Variants in MCTP1 observed in about 807,000 individuals in gnomAD.
The protein encoded by MCTP1 is multiple C2 and transmembrane domain-containing protein 1.
In MCTP1, 69 loss-of-function variants were observed where a neutral mutation model predicts 120.6. The observed-to-expected ratio is 0.57, with a 90% CI of 0.47 to 0.70. The LOEUF (loss-of-function observed/expected upper bound fraction) is 0.70, where lower values mean the gene tolerates loss of function less well. Among genes scored for constraint, MCTP1 ranks in the 30% least tolerant of loss-of-function variants. MCTP1 has a pLI of 0.00. For missense variants in MCTP1, 1,203 were observed against 1,248.8 expected, an observed-to-expected ratio of 0.96 and a Z score of 0.55; for synonymous variants, 529 against 493.1, an observed-to-expected ratio of 1.07 and a Z score of -0.96.
intron 1 of MCTP1, among the ~76,000 whole-genome samples, chr5:95,046,527 CA>C (rs1252630907): frequency 2.6e-5 from 4 of 152,144 alleles, no homozygotes; most frequent in African/African-American, 9.7e-5. Context: ...GTAAAACATT[CA>C]AGGACTAAAA....
At chr5:94,931,372 C>T (rs1407437876) in intron 6 of MCTP1, 1 of 152,058 alleles carries the variant, frequency 6.6e-6, no homozygotes, top group African/African-American at 2.4e-5. Context: ...GTGGCAGCAT[C>T]ACTGAACAAA....
intron 17 of MCTP1, among the ~76,000 whole-genome samples, chr5:94,845,880 C>T (rs769035483): frequency 3.3e-5 from 5 of 152,044 alleles, no homozygotes; most frequent in Non-Finnish European, 7.4e-5. Context: ...AAGCATGTGG[C>T]CAAGAAGCAT....
chr5:94,907,234 T>A (rs765963922), intron 10 of MCTP1, among the ~76,000 whole-genome samples: 3 of 152,204 alleles, frequency 2.0e-5, no homozygotes, highest in Non-Finnish European at 1.5e-5. Flanking sequence ...TCAAAAAGAT[T>A]TGAAATGATG....
chr5:94,868,364 T>A lies in MCTP1; in HGVS notation c.2405A>T (p.Asp802Val), dbSNP rs760386926. 4.2e-5 allele frequency: 67 copies of A among 1,606,916 alleles called. No homozygotes were observed. The Middle Eastern group carries it at 1.2e-3, about 28-fold the overall frequency. The change falls in exon 17 of 23, where the codon GAT becomes GTT. Residue 802 changes from aspartate (D) to valine (V), a missense_variant. Asp to Val is a radical substitution (Grantham distance 152). This residue lies in a region of MCTP1 where 740 missense variants were observed against 871.1 expected (regional missense o/e 0.85). Transcript: ENST00000515393. ...AYYVNSCFDW[D>V]SPPRSLAAFV... Reference sequence around the variant, plus strand: ...AGCAGCGAGACTCCTTGGGGGTGAATCCCAATCAAAGCAACTATTAACGTA... The same window carrying A: ...AGCAGCGAGACTCCTTGGGGGTGAAACCCAATCAAAGCAACTATTAACGTA...
intron 2 of MCTP1, among the ~76,000 whole-genome samples, chr5:94,978,111 A>G (rs1367948846): frequency 6.6e-6 from 1 of 152,132 alleles, no homozygotes; most frequent in Non-Finnish European, 1.5e-5. Flanking sequence ...GCCAACAGGT[A>G]TATGAAAAGA....
rs1754912045 is a variant in MCTP1, at chr5:94,707,390, A to G, written c.*106T>C. 4 of 843,278 alleles carry G rather than the reference A, an allele frequency of 4.7e-6. No individual in the cohort carries two copies. Among genetic ancestry groups the G allele is most frequent in the East Asian group, 2.5e-5 (1 of 40,228 alleles). The allele number at this position is 843,278 out of a possible 1,614,324, so 52.2% of individuals were successfully genotyped here. On this transcript the variant is annotated 3_prime_UTR_variant, in exon 23 of 23. Coordinates refer to ENST00000515393, the MANE Select transcript of MCTP1 (RefSeq NM_024717.7). ...ACAGATTCTCTCGATCATGATAAAA[A>G]GGCAAAATAAATAAAAAGCAGAAAG... is the stretch of plus-strand genomic sequence containing the variant.
At chr5:94,778,318 G>C (rs1219286690) in intron 19 of MCTP1, among the ~76,000 whole-genome samples, 1 of 152,030 alleles carries the variant, frequency 6.6e-6, no homozygotes, top group Non-Finnish European at 1.5e-5. Context: ...TCTCACCCTA[G>C]GACTTTTTAG....
At chr5:95,275,716 C>T (rs1027223374) in intron 1 of MCTP1, among the ~76,000 whole-genome samples, 1 of 152,076 alleles carries the variant, frequency 6.6e-6, no homozygotes, top group African/African-American at 2.4e-5. Flanking sequence ...ATGCATTTTA[C>T]ACTTATAGCC....
intron 7 of MCTP1, among the ~76,000 whole-genome samples, chr5:94,920,658 C>T (rs1811377524): frequency 6.6e-6 from 1 of 151,758 alleles, no homozygotes; most frequent in African/African-American, 2.4e-5. Flanking sequence ...AGGAGAATGG[C>T]GTGAACCCGG....
chr5:94,834,595 T>C (rs1399883037), intron 17 of MCTP1, among the ~76,000 whole-genome samples: 2 of 151,994 alleles, frequency 1.3e-5, no homozygotes, highest in Admixed American at 1.3e-4. Context: ...GAGGAGGAAA[T>C]AACCAGGAAC....
intron 19 of MCTP1, among the ~76,000 whole-genome samples, chr5:94,750,183 C>A (rs1767958856): frequency 6.6e-6 from 1 of 152,072 alleles, no homozygotes; most frequent in Admixed American, 6.5e-5. Context: ...TATGCCTAGG[C>A]AGTCGCAGAG....
chr5:95,022,146 C>T (rs1030711987), intron 1 of MCTP1, among the ~76,000 whole-genome samples: 6 of 152,116 alleles, frequency 3.9e-5, no homozygotes, highest in East Asian at 1.9e-4. Context: ...TGAGTATACC[C>T]GTACTTCTTA....
At position 95,017,422 on chromosome 5, in the gene MCTP1, G is replaced by C; in HGVS notation, c.783C>G (p.Tyr261Ter). The change falls in exon 2 of 23, where the codon TAC (tyrosine) becomes TAG (stop). Residue 261 changes from tyrosine (Y) to a stop codon, truncating the protein, a stop_gained. Transcript: ENST00000515393. LOFTEE classifies it high-confidence loss of function. ...AEVPLADPGMYQLDITLRRGQ... is the reference protein window; with the variant it reads ...AEVPLADPGM Reference sequence around the variant, plus strand: ...CCCTTCTTAATGTAATGTCCAGCTGGTACATTCCGGGATCAGCCAAGGGGA... The same window carrying C: ...CCCTTCTTAATGTAATGTCCAGCTGCTACATTCCGGGATCAGCCAAGGGGA... The C allele has an allele frequency of 6.2e-7, 1 of 1,610,812 alleles. No homozygotes were observed. Among genetic ancestry groups the C allele is most frequent in the Non-Finnish European group, 8.5e-7 (1 of 1,178,004 alleles).
At position 95,251,846 on chromosome 5, in the gene MCTP1, A is replaced by G. The variant is rs1757414146; in HGVS notation, c.720+32010T>C. Among the ~76,000 whole-genome samples the G allele has an allele frequency of 2.0e-5, 3 of 152,270 alleles. No individual in the cohort carries two copies. The South Asian group carries it at 6.2e-4, about 32-fold the overall frequency. On this transcript the variant is annotated intron_variant, in intron 1 of 22. Coordinates refer to ENST00000515393, the MANE Select transcript of MCTP1 (RefSeq NM_024717.7). ...ATTATCCACAATTAATAGATAAGGA[A>G]ACTGAGGTGCAAAGAGATTCAGAAA...
At chr5:95,134,803 T>C (rs1759308390) in intron 1 of MCTP1, among the ~76,000 whole-genome samples, 1 of 152,108 alleles carries the variant, frequency 6.6e-6, no homozygotes, top group African/African-American at 2.4e-5. Context: ...CTGGAAGCTA[T>C]TACTGTAATA....
intron 3 of MCTP1, among the ~76,000 whole-genome samples, chr5:94,947,603 G>GAGAC (rs1462239710): frequency 0.041 from 4,316 of 104,432 alleles, 244 homozygotes; most frequent in South Asian, 0.077. Context: ...GAGAGAGAGA[G>GAGAC]AGAGAGAGAG....
At chr5:94,867,017 G>C (rs570745055) in intron 17 of MCTP1, 1 of 223,812 alleles carries the variant, frequency 4.5e-6, no homozygotes, top group African/African-American at 2.3e-5. Flanking sequence ...ATTTTTTTTT[G>C]CATCTGTTAT....
rs375188219 is a variant in MCTP1, at chr5:94,943,481, T to C, written c.982-1054A>G. Reference sequence around the variant, plus strand: ...AGTTAGGACCACTTCCAAAGGATGCTAAGTAAATGGGAACTGGCTAACTTC... The same window carrying C: ...AGTTAGGACCACTTCCAAAGGATGCCAAGTAAATGGGAACTGGCTAACTTC... On this transcript the variant is annotated intron_variant, in intron 3 of 22. Coordinates refer to ENST00000515393, the MANE Select transcript of MCTP1 (RefSeq NM_024717.7). 1.4e-4 allele frequency among the ~76,000 whole-genome samples: 22 copies of C among 152,114 alleles called. 1 individual carries two copies. The highest frequency in any genetic ancestry group is 9.8e-4 in the Admixed American group (15 of 15,238).
chr5:94,853,783 C>T (rs1387085503), intron 17 of MCTP1, among the ~76,000 whole-genome samples: 1 of 151,822 alleles, frequency 6.6e-6, no homozygotes. Context: ...ACTTGGATGC[C>T]TAAGGAAATG....
Sources: gnomAD v4.1 joint callset for allele counts (sites outside exome capture counted in the v4.1 genomes callset) on GRCh38, gnomAD v4.1.1 for gene constraint, gnomAD v4.1.1 regional missense constraint, MANE v1.5 for transcripts, NCBI Gene and HGNC (gene_info 2026-07-23, HGNC 2026-07-21) for gene names.